The following ABCA12 variants were observed in gnomAD, a reference collection of about 807,000 sequenced individuals.
ABCA12 encodes the protein glucosylceramide transporter ABCA12.
In ABCA12, 156 loss-of-function variants were observed where a neutral mutation model predicts 293.5. The ratio of observed to expected loss-of-function variants is 0.53; its 90% CI spans 0.47 to 0.61. The LOEUF (loss-of-function observed/expected upper bound fraction) is 0.61, where lower values mean the gene tolerates loss of function less well. ABCA12 is among the 20% of genes least tolerant of loss of function. The probability of loss-of-function intolerance (pLI) is 0.00; values close to 1 mark genes in which losing one functional copy is unlikely to be tolerated. For missense variants in ABCA12, 2,797 were observed against 3,090.2 expected (o/e 0.91, Z 2.25); for synonymous variants, 1,063 against 1,108.0 (o/e 0.96, Z 0.81).
chr2:215,138,200 G>A lies in ABCA12; in HGVS notation c.9C>T (p.Ser3=). The change falls in exon 1 of 53, where the codon TCC becomes TCT. Residue 3 remains serine (S), a synonymous_variant. Transcript: ENST00000272895. MA[S]LFHQLQILVW... is the part of the protein sequence containing the mutation. ...CCAGGATCTGAAGCTGATGAAACAG[G>A]GAAGCCATCCTTCAAATGCCCCAAA... The A allele has an allele frequency of 1.2e-6, 2 of 1,613,984 alleles. No homozygotes were observed. Among genetic ancestry groups the A allele is most frequent in the Admixed American group, 3.3e-5 (2 of 59,998 alleles).
chr2:214,945,165 C>T, intron 48 of ABCA12, 61 bp from the exon 49 acceptor site: 1 of 1,335,698 alleles, frequency 7.5e-7, no homozygotes, highest in Admixed American at 1.9e-5. Context: ...AAGTTCTTTT[C>T]ATGAATTACT....
At chr2:215,064,693 GCACA>G (rs10541959) in intron 2 of ABCA12, among the ~76,000 whole-genome samples, 2,791 of 139,906 alleles carry the variant, frequency 0.02, 43 homozygotes, top group African/African-American at 0.043. Context: ...TTTAATACAC[GCACA>G]CACACACACA....
chr2:215,037,710 T>A (rs1271156000), intron 7 of ABCA12, among the ~76,000 whole-genome samples: 1 of 152,158 alleles, frequency 6.6e-6, no homozygotes, highest in Non-Finnish European at 1.5e-5. Flanking sequence ...AATCAGAAAA[T>A]TCAGTTATGC....
Position 215,025,249 on chromosome 2 carries a change from G to A in ABCA12, c.1287+424C>T, listed in dbSNP as rs62202572. On this transcript the variant is annotated intron_variant, in intron 11 of 52. Coordinates refer to ENST00000272895, the MANE Select transcript of ABCA12 (RefSeq NM_173076.3). Reference sequence around the variant, plus strand: ...AGGCTCTTTTGGGTCATTTCATGCCGAGATCTCCACTGATTAAAAAAAAAT... The same window carrying A: ...AGGCTCTTTTGGGTCATTTCATGCCAAGATCTCCACTGATTAAAAAAAAAT... The A allele has an allele frequency of 2.8e-4, 44 of 157,574 alleles. No homozygotes were observed. In the South Asian group the frequency reaches 7.7e-3, roughly 28 times the overall value. 9.8% of individuals were successfully genotyped at this position (157,574 alleles called of 1,614,324 possible). A position where few individuals can be genotyped will look rare whatever the true frequency, so the allele number is the denominator to read the frequency against.
intron 3 of ABCA12, among the ~76,000 whole-genome samples, chr2:215,060,445 T>A (rs1199415017): frequency 6.6e-6 from 1 of 152,070 alleles, no homozygotes; most frequent in Non-Finnish European, 1.5e-5. Context: ...CAATTTTATT[T>A]CATAATGATC....
intron 39 of ABCA12, among the ~76,000 whole-genome samples, chr2:214,966,643 G>A (rs535652666): frequency 9.2e-5 from 14 of 152,224 alleles, no homozygotes; most frequent in African/African-American, 3.4e-4. Flanking sequence ...TGATAGATGA[G>A]AAAACTAAAT....
At chr2:214,997,236 T>G (rs1354368317) in intron 23 of ABCA12, among the ~76,000 whole-genome samples, 1 of 152,188 alleles carries the variant, frequency 6.6e-6, no homozygotes, top group African/African-American at 2.4e-5. Context: ...CAAGGTATAC[T>G]GGAAAGAGAA....
rs1698077868 is a variant in ABCA12 at position 214,932,158 on chromosome 2, C to G, written c.*476G>C. On this transcript the variant is annotated 3_prime_UTR_variant, in exon 53 of 53. Transcript: ENST00000272895. ...CGTTCATTTGGCCCTTAGCAGTTCA[C>G]ACATCACAGCCGATTCATGTATTCA... 9.6e-6 allele frequency: 2 copies of G among 208,954 alleles called. No individual in the cohort carries two copies. The highest frequency in any genetic ancestry group is 9.7e-6 in the Non-Finnish European group (1 of 103,182). 12.9% of individuals were successfully genotyped at this position (208,954 alleles called of 1,614,324 possible).
At chr2:215,123,686 A>G (rs1276919101) in intron 1 of ABCA12, among the ~76,000 whole-genome samples, 1 of 152,182 alleles carries the variant, frequency 6.6e-6, no homozygotes, top group Non-Finnish European at 1.5e-5. Context: ...TTACATTCTC[A>G]TCAACAGAGT....
chr2:214,939,829 C>A (rs1388462355), intron 50 of ABCA12, among the ~76,000 whole-genome samples: 1 of 152,156 alleles, frequency 6.6e-6, no homozygotes, highest in East Asian at 1.9e-4. Context: ...TGAGACTTTG[C>A]TGAAGTTGCT....
intron 11 of ABCA12, 93 bp from the exon 12 acceptor site, chr2:215,019,889 T>C: frequency 6.8e-7 from 1 of 1,474,228 alleles, no homozygotes; most frequent in Non-Finnish European, 9.3e-7. Context: ...TGATTTCCTT[T>C]AAGAAAAACA....
intron 11 of ABCA12, among the ~76,000 whole-genome samples, chr2:215,020,523 G>A (rs562364699): frequency 2.6e-5 from 4 of 152,166 alleles, no homozygotes; most frequent in Non-Finnish European, 4.4e-5. Context: ...GTTGTTAGGG[G>A]CTGGGGAAGT....
intron 39 of ABCA12, among the ~76,000 whole-genome samples, chr2:214,963,605 CAAAA>C (rs57895778): frequency 1.4e-5 from 1 of 70,184 alleles, no homozygotes; most frequent in African/African-American, 5.7e-5. Context: ...GCAGAGATAC[CAAAA>C]AAAAAAAAAA....
At chr2:215,095,296 ACT>A (rs1287086703) in intron 2 of ABCA12, among the ~76,000 whole-genome samples, 1 of 152,078 alleles carries the variant, frequency 6.6e-6, no homozygotes, top group Non-Finnish European at 1.5e-5. Context: ...CCCCTTGGGC[ACT>A]CTCTAATTGG....
intron 1 of ABCA12, among the ~76,000 whole-genome samples, chr2:215,111,958 A>G (rs1010575514): frequency 2.0e-5 from 3 of 152,180 alleles, no homozygotes; most frequent in Non-Finnish European, 2.9e-5. Context: ...GACTGCCCCA[A>G]TCATCATTAT....
At chr2:215,071,920 C>T (rs1701745942) in intron 2 of ABCA12, among the ~76,000 whole-genome samples, 1 of 152,206 alleles carries the variant, frequency 6.6e-6, no homozygotes, top group African/African-American at 2.4e-5. Context: ...GTATCAACCG[C>T]TGTAGTGTTT....
chr2:215,064,693 GCACACACACACACACACACACACA>G (rs10541959), intron 2 of ABCA12, among the ~76,000 whole-genome samples: 1 of 139,910 alleles, frequency 7.1e-6, no homozygotes, highest in African/African-American at 2.8e-5. Flanking sequence ...TTTAATACAC[GCACACACACACACACACACACACA>G]CACACACACA....
At chr2:214,942,737 A>G (rs751620540) in intron 50 of ABCA12, among the ~76,000 whole-genome samples, 188 bp downstream of exon 50, 1 of 152,222 alleles carries the variant, frequency 6.6e-6, no homozygotes. Context: ...TAAAATATTT[A>G]AGTAAAAATT....
At chr2:214,992,688 C>T (rs1367858426) in intron 23 of ABCA12, among the ~76,000 whole-genome samples, 1 of 151,378 alleles carries the variant, frequency 6.6e-6, no homozygotes. Flanking sequence ...ATGGCAAAAC[C>T]CCATCTCTAC....
Sources: gnomAD v4.1 joint callset for allele counts (sites outside exome capture counted in the v4.1 genomes callset) on GRCh38, gnomAD v4.1.1 for gene constraint, MANE v1.5 for transcripts, NCBI Gene and HGNC (gene_info 2026-07-23, HGNC 2026-07-21) for gene names.